The following EBF3 variants were observed in gnomAD, a reference collection of about 807,000 sequenced individuals.
The protein encoded by EBF3 is EBF transcription factor 3.
In EBF3, 18 loss-of-function variants were observed where a neutral mutation model predicts 77.1. The observed-to-expected ratio is 0.23, with a 90% CI of 0.16 to 0.35. The LOEUF (loss-of-function observed/expected upper bound fraction) is 0.35. Among genes scored for constraint, EBF3 ranks in the 10% least tolerant of loss-of-function variants. EBF3 has a pLI of 1.00. For synonymous variants in EBF3, 350 were observed against 343.5 expected, an observed-to-expected ratio of 1.02 and a Z score of -0.21; for missense variants, 558 against 860.0, an observed-to-expected ratio of 0.65 and a Z score of 4.39.
At chr10:129,923,020 C>CTCTA (rs1327968721) in intron 6 of EBF3, among the ~76,000 whole-genome samples, 1 of 152,234 alleles carries the variant, frequency 6.6e-6, no homozygotes, top group East Asian at 1.9e-4. Context: ...CGGCTTCTCT[C>CTCTA]TCTATAGAAT....
rs1234246692 is a variant in EBF3, at chr10:129,943,094, T to C, written c.554+14164A>G. On this transcript the variant is annotated intron_variant, in intron 6 of 16. Coordinates refer to ENST00000440978, the MANE Select transcript of EBF3 (RefSeq NM_001375380.1). This position sits in a 1 kb window ranked among gnomAD's most constrained non-coding sequence, Gnocchi z 8.8. ...AACCACTTTGCCTGCACGATGGGAA[T>C]GACTGGATCACTCCACCGGCTGCTC... 6.6e-6 allele frequency among the ~76,000 whole-genome samples: 1 copy of C among 152,216 alleles called. No homozygotes were observed. Among genetic ancestry groups the C allele is most frequent in the Non-Finnish European group, 1.5e-5 (1 of 68,040 alleles).
At chr10:129,884,732 C>T (rs781524204) in intron 6 of EBF3, among the ~76,000 whole-genome samples, 8 of 152,188 alleles carry the variant, frequency 5.3e-5, no homozygotes, top group African/African-American at 1.9e-4. Context: ...CACGTGCATG[C>T]TCCCCGAGCA....
At chr10:129,946,529 G>T (rs75277377) in intron 6 of EBF3, among the ~76,000 whole-genome samples, 1 of 152,074 alleles carries the variant, frequency 6.6e-6, no homozygotes, top group Admixed American at 6.6e-5. Flanking sequence ...TCACAATCAC[G>T]TATGAAAGAA....
chr10:129,878,661 C>CAAAAAAA lies in EBF3; in HGVS notation c.555-819_555-813dup, dbSNP rs538628576. 1.9e-3 allele frequency among the ~76,000 whole-genome samples: 65 copies of CAAAAAAA among 34,826 alleles called. 6 individuals carry two copies. Among genetic ancestry groups the CAAAAAAA allele is most frequent in the Admixed American group, 3.6e-3 (10 of 2,752 alleles). The allele number at this position is 34,826 out of a possible 152,430, so 22.8% of individuals were successfully genotyped here. A position where few individuals can be genotyped will look rare whatever the true frequency, so the allele number is the denominator to read the frequency against. On this transcript the variant is annotated intron_variant, in intron 6 of 16. Coordinates refer to ENST00000440978, the MANE Select transcript of EBF3 (RefSeq NM_001375380.1). ...TGGTTGACAGCTCAAGGCTCTGTCT[C>CAAAAAAA]AAAAAAAAAAAAAAAAAAAAAAGAG...
At chr10:129,895,073 A>G (rs1243694379) in intron 6 of EBF3, among the ~76,000 whole-genome samples, 1 of 152,242 alleles carries the variant, frequency 6.6e-6, no homozygotes, top group African/African-American at 2.4e-5. Flanking sequence ...CAGTAAGGCC[A>G]GGTTCAGCCC....
At chr10:129,880,908 G>A (rs1173938875) in intron 6 of EBF3, among the ~76,000 whole-genome samples, 1 of 152,236 alleles carries the variant, frequency 6.6e-6, no homozygotes. Flanking sequence ...TACACACGGA[G>A]CAAATGTATG....
At chr10:129,959,686 A>G (rs1195832250) in intron 4 of EBF3, among the ~76,000 whole-genome samples, 1 of 151,694 alleles carries the variant, frequency 6.6e-6, no homozygotes, top group Non-Finnish European at 1.5e-5. Flanking sequence ...GGCCTCCCTG[A>G]GTGGTGGGCA....
At chr10:129,849,584 G>A (rs1056239562) in intron 10 of EBF3, among the ~76,000 whole-genome samples, 5 of 152,202 alleles carry the variant, frequency 3.3e-5, no homozygotes, top group African/African-American at 4.8e-5. Context: ...ATTGGTCACC[G>A]TTCTCGAGTG....
rs188729135 is a variant in EBF3, at chr10:129,898,393, G to A, written c.555-20544C>T. 1.3e-3 allele frequency among the ~76,000 whole-genome samples: 195 copies of A among 152,262 alleles called. 1 individual carries two copies. The highest frequency in any genetic ancestry group is 2.2e-3 in the Admixed American group (33 of 15,300). ...GAAACAATCAGGCTTTCTTTGGGGC[G>A]GCTGAGAAAGGAAATGATATAGAAA... On this transcript the variant is annotated intron_variant, in intron 6 of 16. Transcript: ENST00000440978.
At chr10:129,915,812 T>C (rs976761590) in intron 6 of EBF3, among the ~76,000 whole-genome samples, 1 of 152,208 alleles carries the variant, frequency 6.6e-6, no homozygotes, top group African/African-American at 2.4e-5. Flanking sequence ...AATTCTCAGC[T>C]GAATGAAGAT....
chr10:129,891,818 C>A (rs909232521), intron 6 of EBF3, among the ~76,000 whole-genome samples: 2 of 152,212 alleles, frequency 1.3e-5, no homozygotes, highest in Admixed American at 1.3e-4. Context: ...CAGTGGCTCA[C>A]GGCGTCTCTG....
At chr10:129,845,491 C>T (rs1850387389) in intron 11 of EBF3, 1 of 152,168 alleles carries the variant, frequency 6.6e-6, no homozygotes, top group African/African-American at 2.4e-5. Flanking sequence ...TTTGAATATA[C>T]ATGATTATTC....
At chr10:129,874,922 G>A (rs539765097) in intron 7 of EBF3, among the ~76,000 whole-genome samples, 356 of 152,244 alleles carry the variant, frequency 2.3e-3, no homozygotes, top group Non-Finnish European at 4.5e-3. Flanking sequence ...GGGAAACCAG[G>A]GGGAGGGGCG....
intron 6 of EBF3, among the ~76,000 whole-genome samples, chr10:129,902,565 A>G (rs1854867009): frequency 6.6e-6 from 1 of 152,114 alleles, no homozygotes; most frequent in South Asian, 2.1e-4. Flanking sequence ...AGACAACCCA[A>G]TGGGCAGGCC....
intron 4 of EBF3, among the ~76,000 whole-genome samples, chr10:129,961,311 A>G (rs1241980226): frequency 6.6e-6 from 1 of 152,110 alleles, no homozygotes; most frequent in African/African-American, 2.4e-5. Context: ...CCCCCTCCCC[A>G]CCACAACACT....
In EBF3 at chr10:129,870,818, C is replaced by T. The variant is rs1852356405; in HGVS notation, c.781+2634G>A. Among the ~76,000 whole-genome samples the T allele has an allele frequency of 6.6e-6, 1 of 152,140 alleles. No individual in the cohort carries two copies. The highest frequency in any genetic ancestry group is 6.5e-5 in the Admixed American group (1 of 15,280). On this transcript the variant is annotated intron_variant, in intron 8 of 16. Transcript: ENST00000440978. The surrounding 1 kb of genome is among the most constrained non-coding windows in gnomAD (Gnocchi z 4.4). ...TCCTTTCTTTTGGGGTCTCTCCACC[C>T]TATCCAGTATTCTATTAGTAAACAG...
rs1313900099 is a variant in EBF3, at chr10:129,935,810, GGC to G, written c.554+21446_554+21447del. ...CACCGGGGCCTCAGGCAAAGCCAAG[GGC>G]ATAGAATGTGGGCTGGGGACAGGAG... On this transcript the variant is annotated intron_variant, in intron 6 of 16. Coordinates refer to ENST00000440978, the MANE Select transcript of EBF3 (RefSeq NM_001375380.1). The surrounding 1 kb of genome is among the most constrained non-coding windows in gnomAD (Gnocchi z 4.2). Among the ~76,000 whole-genome samples, 1 of 152,218 alleles carries G rather than the reference GGC, an allele frequency of 6.6e-6. No homozygotes were observed. The highest frequency in any genetic ancestry group is 1.5e-5 in the Non-Finnish European group (1 of 68,044).
At chr10:129,877,940 G>T (rs1446380384) in intron 6 of EBF3, 91 bp from the exon 7 acceptor site, 1 of 990,982 alleles carries the variant, frequency 1.0e-6, no homozygotes, top group East Asian at 2.7e-5. Flanking sequence ...GGGAGGAGTG[G>T]AGACTCAACC....
At position 129,938,418 on chromosome 10, in the gene EBF3, G is replaced by A. The variant is rs1366593373; in HGVS notation, c.554+18840C>T. Among the ~76,000 whole-genome samples, 1 of 151,700 alleles carries A rather than the reference G, an allele frequency of 6.6e-6. No individual in the cohort carries two copies. The highest frequency in any genetic ancestry group is 1.5e-5 in the Non-Finnish European group (1 of 67,948). Reference sequence around the variant, plus strand: ...AAAAGACAAAAATTAGCCAGGCATGGTGGTGCACACCTGTAGTCCCTGCTA... The same window carrying A: ...AAAAGACAAAAATTAGCCAGGCATGATGGTGCACACCTGTAGTCCCTGCTA... On this transcript the variant is annotated intron_variant, in intron 6 of 16. Transcript: ENST00000440978. This position sits in a 1 kb window ranked among gnomAD's most constrained non-coding sequence, Gnocchi z 5.1.
Sources: gnomAD v4.1 joint callset for allele counts (sites outside exome capture counted in the v4.1 genomes callset) on GRCh38, gnomAD v4.1.1 for gene constraint, Gnocchi (gnomAD v3.1) non-coding constraint, MANE v1.5 for transcripts, NCBI Gene and HGNC (gene_info 2026-07-23, HGNC 2026-07-21) for gene names.